The following HLF variants were observed in gnomAD, a reference collection of about 807,000 sequenced individuals.
HLF encodes hepatic leukemia factor.
Under a neutral mutation model 22.6 loss-of-function variants are expected in HLF, and 3 were observed. The ratio of observed to expected loss-of-function variants is 0.13; its 90% confidence interval spans 0.06 to 0.34. The LOEUF (loss-of-function observed/expected upper bound fraction) is 0.34, where lower values mean the gene tolerates loss of function less well. Ranked by LOEUF, HLF falls within the 10% of genes least tolerant of loss-of-function variation. HLF has a pLI of 1.00. For missense variants in HLF, 299 were observed against 389.2 expected, an observed-to-expected ratio of 0.77 and a Z score of 1.95; for synonymous variants, 151 against 151.8, an observed-to-expected ratio of 0.99 and a Z score of 0.04.
At chr17:55,285,841 T>C (rs537224353) in intron 2 of HLF, among the ~76,000 whole-genome samples, 1 of 152,356 alleles carries the variant, frequency 6.6e-6, no homozygotes, top group South Asian at 2.1e-4. Context: ...GTTTGCCTCT[T>C]ATGAGTGTCG....
At chr17:55,305,800 G>T (rs967963990) in intron 2 of HLF, among the ~76,000 whole-genome samples, 4 of 152,180 alleles carry the variant, frequency 2.6e-5, no homozygotes, top group Non-Finnish European at 4.4e-5. Flanking sequence ...GCTCTCCTTG[G>T]GGCACAATTA....
chr17:55,272,936 G>A (rs1399140889), intron 2 of HLF: 2 of 152,518 alleles, frequency 1.3e-5, no homozygotes, highest in East Asian at 3.9e-4. Context: ...CAGGGGCTAG[G>A]AGATCCTGAA....
chr17:55,280,201 T>A (rs963194028), intron 2 of HLF, among the ~76,000 whole-genome samples: 14 of 152,226 alleles, frequency 9.2e-5, no homozygotes, highest in Non-Finnish European at 1.5e-5. Flanking sequence ...TAGGAACACA[T>A]CTTGTGTTAC....
chr17:55,292,283 C>T (rs759851654), intron 2 of HLF, among the ~76,000 whole-genome samples: 1 of 152,172 alleles, frequency 6.6e-6, no homozygotes, highest in Non-Finnish European at 1.5e-5. Flanking sequence ...TCAATTGATG[C>T]AGCAAACTTC....
chr17:55,265,415 C>G lies in HLF; in HGVS notation c.-70C>G. 8 of 914,404 alleles carry G rather than the reference C, an allele frequency of 8.7e-6. No homozygotes were observed. Among genetic ancestry groups the G allele is most frequent in the Non-Finnish European group, 1.4e-5 (8 of 574,274 alleles). The allele number at this position is 914,404 out of a possible 1,614,324, so 56.6% of individuals were successfully genotyped here. ...GGCAAAGGACGGAGGAAAAGCTCAG[C>G]AACATTTTAGGGGGCGGTTGTTTCT... is the stretch of plus-strand genomic sequence containing the variant. On this transcript the variant is annotated 5_prime_UTR_variant, in exon 1 of 4. Transcript: ENST00000226067.
At chr17:55,308,827 T>C (rs1904701677) in intron 2 of HLF, among the ~76,000 whole-genome samples, 1 of 152,204 alleles carries the variant, frequency 6.6e-6, no homozygotes, top group African/African-American at 2.4e-5. Flanking sequence ...CACTCATCTG[T>C]AATTGCTATG....
intron 2 of HLF, among the ~76,000 whole-genome samples, chr17:55,299,459 G>A (rs1035189228): frequency 5.9e-5 from 9 of 152,056 alleles, no homozygotes; most frequent in African/African-American, 2.2e-4. Flanking sequence ...AATGAAAGAT[G>A]ATGCAGGAAC....
In HLF at chr17:55,322,057, C is replaced by T; in HGVS notation, c.*1178C>T. 4.7e-6 allele frequency: 1 copy of T among 212,476 alleles called. No homozygotes were observed. The highest frequency in any genetic ancestry group is 9.5e-6 in the Non-Finnish European group (1 of 104,836). 13.2% of individuals were successfully genotyped at this position (212,476 alleles called of 1,614,324 possible). A position where few individuals can be genotyped will look rare whatever the true frequency, so the allele number is the denominator to read the frequency against. On this transcript the variant is annotated 3_prime_UTR_variant, in exon 4 of 4. Transcript: ENST00000226067. ...TTAATAAGTTGATGTTTTCTAAGGC[C>T]CTTTTTCCTAGTGGTGTCATTTTTG...
At chr17:55,311,360 C>T (rs377168226) in intron 2 of HLF, among the ~76,000 whole-genome samples, 8 of 151,920 alleles carry the variant, frequency 5.3e-5, no homozygotes, top group African/African-American at 1.4e-4. Flanking sequence ...AAAAATTAGC[C>T]GGGCGTGGTG....
At chr17:55,310,393 G>T (rs1199876299) in intron 2 of HLF, among the ~76,000 whole-genome samples, 1 of 152,030 alleles carries the variant, frequency 6.6e-6, no homozygotes, top group East Asian at 1.9e-4. Flanking sequence ...AATATCAAAA[G>T]GCATTTAAGA....
intron 2 of HLF, among the ~76,000 whole-genome samples, chr17:55,295,928 T>TAC (rs2081108271): frequency 6.6e-6 from 1 of 152,234 alleles, no homozygotes; most frequent in East Asian, 1.9e-4. Context: ...TTAGAATGTA[T>TAC]TGACTAACTG....
intron 2 of HLF, among the ~76,000 whole-genome samples, chr17:55,270,856 A>C (rs2080847925): frequency 6.6e-6 from 1 of 151,642 alleles, no homozygotes; most frequent in African/African-American, 2.4e-5. Flanking sequence ...TTTAGCCGGG[A>C]TGGTCTCGAT....
In HLF at chr17:55,315,245, A is replaced by G. The variant is rs745656628; in HGVS notation, c.470A>G (p.Asn157Ser). The G allele has an allele frequency of 1.9e-6, 3 of 1,614,152 alleles. No homozygotes were observed. Among genetic ancestry groups the G allele is most frequent in the Non-Finnish European group, 2.5e-6 (3 of 1,180,020 alleles). The change falls in exon 3 of 4, where the codon AAC becomes AGC. Residue 157 changes from asparagine (N) to serine (S), a missense_variant. Asn to Ser is a conservative substitution (Grantham distance 46). Transcript: ENST00000226067. The stretch of plus-strand genomic sequence containing the variant: ...GTTCCAGGTCAGCTGTTGCCAGCAA[A>G]CCGCAATACACCAAGTCCCATTGAT... ...PIRPGQLLPANRNTPSPIDPD... is the reference protein window; with the variant it reads ...PIRPGQLLPASRNTPSPIDPD...
chr17:55,265,372 T>C lies in HLF; in HGVS notation c.-113T>C. Reference sequence around the variant, plus strand: ...TTTTTCTTCCCTTTTCTCCACCGCCTTGAGAGCGAGTACTTTTGGCAAAGG... The same window carrying C: ...TTTTTCTTCCCTTTTCTCCACCGCCCTGAGAGCGAGTACTTTTGGCAAAGG... On this transcript the variant is annotated 5_prime_UTR_variant, in exon 1 of 4. Coordinates refer to ENST00000226067, the MANE Select transcript of HLF (RefSeq NM_002126.5). 1.5e-6 allele frequency: 1 copy of C among 662,730 alleles called. No homozygotes were observed. The highest frequency in any genetic ancestry group is 1.7e-5 in the South Asian group (1 of 58,286). 41.1% of individuals were successfully genotyped at this position (662,730 alleles called of 1,614,324 possible). A position where few individuals can be genotyped will look rare whatever the true frequency, so the allele number is the denominator to read the frequency against.
intron 2 of HLF, among the ~76,000 whole-genome samples, chr17:55,286,994 C>T (rs567510237): frequency 6.6e-6 from 1 of 152,190 alleles, no homozygotes; most frequent in African/African-American, 2.4e-5. Context: ...ACCCATTCCA[C>T]CTGTCTCAGA....
chr17:55,303,547 C>G (rs1904398305), intron 2 of HLF, among the ~76,000 whole-genome samples: 2 of 152,166 alleles, frequency 1.3e-5, no homozygotes, highest in African/African-American at 4.8e-5. Flanking sequence ...GGCACTGGGT[C>G]TTTAAGAAAA....
At chr17:55,278,662 A>G (rs1255025482) in intron 2 of HLF, among the ~76,000 whole-genome samples, 1 of 152,232 alleles carries the variant, frequency 6.6e-6, no homozygotes, top group Non-Finnish European at 1.5e-5. Flanking sequence ...CAGAAATCTC[A>G]ATACCCCAAG....
Position 55,324,806 on chromosome 17 carries a change from T to C in HLF, c.*3927T>C, listed in dbSNP as rs1905398970. The stretch of plus-strand genomic sequence containing the variant: ...AAGTGTAAGAGTGTGTGTGTGTGTG[T>C]GTGCGTGCATGTGTGTGTGTGTGTA... On this transcript the variant is annotated 3_prime_UTR_variant, in exon 4 of 4. Coordinates refer to ENST00000226067, the MANE Select transcript of HLF (RefSeq NM_002126.5). 8.7e-6 allele frequency: 2 copies of C among 229,278 alleles called. No individual in the cohort carries two copies. The highest frequency in any genetic ancestry group is 8.7e-6 in the Non-Finnish European group (1 of 115,308). The allele number at this position is 229,278 out of a possible 1,614,324, so 14.2% of individuals were successfully genotyped here.
In HLF at chr17:55,323,577, C is replaced by G. The variant is rs1256820919; in HGVS notation, c.*2698C>G. On this transcript the variant is annotated 3_prime_UTR_variant, in exon 4 of 4. Coordinates refer to ENST00000226067, the MANE Select transcript of HLF (RefSeq NM_002126.5). ...GAGAGGTTTCAGAAACCTACCTCGT[C>G]TTACAAATTTAAACACTTTGGAGTC... The G allele has an allele frequency of 4.4e-6, 1 of 225,962 alleles. No homozygotes were observed. The highest frequency in any genetic ancestry group is 5.7e-5 in the Admixed American group (1 of 17,516). 14.0% of individuals were successfully genotyped at this position (225,962 alleles called of 1,614,324 possible). A position where few individuals can be genotyped will look rare whatever the true frequency, so the allele number is the denominator to read the frequency against.
Sources: allele counts gnomAD v4.1 joint callset (sites outside exome capture counted in the v4.1 genomes callset), GRCh38; gene constraint gnomAD v4.1.1; transcripts MANE v1.5; gene names NCBI Gene and HGNC (gene_info 2026-07-23, HGNC 2026-07-21).